Variants in AGAP3 observed in about 807,000 individuals in gnomAD.
AGAP3 encodes the protein arf-GAP with GTPase, ANK repeat and PH domain-containing protein 3.
Under a neutral mutation model 96.9 loss-of-function variants are expected in AGAP3, and 24 were observed. The ratio of observed to expected loss-of-function variants is 0.25; its 90% confidence interval spans 0.18 to 0.35. AGAP3 has a LOEUF of 0.35. AGAP3 is among the 10% of genes least tolerant of loss of function. The pLI, the probability that AGAP3 is intolerant of heterozygous loss-of-function variation, is 1.00. For synonymous variants in AGAP3, 563 were observed against 536.1 expected (o/e 1.05, Z -0.69); for missense variants, 876 against 1,254.2 (o/e 0.70, Z 4.55).
chr7:151,097,517 CAAA>C (rs67915216), intron 1 of AGAP3, among the ~76,000 whole-genome samples: 12 of 95,634 alleles, frequency 1.3e-4, no homozygotes, highest in Admixed American at 2.0e-4. Flanking sequence ...GACTCTGTCT[CAAA>C]AAAAAAAAAA....
intron 1 of AGAP3, among the ~76,000 whole-genome samples, chr7:151,107,482 T>C (rs1436557718): frequency 6.6e-6 from 1 of 151,412 alleles, no homozygotes; most frequent in Non-Finnish European, 1.5e-5. Context: ...TAAACCTAGC[T>C]GGGCGAGGTG....
chr7:151,118,056 G>A lies in AGAP3; in HGVS notation c.707-154G>A. The stretch of plus-strand genomic sequence containing the variant: ...TTTGCACTCAGTGAGGCCATGGAAG[G>A]GTTGAAATGAGACCCAGGCACCCGC... On this transcript the variant is annotated intron_variant, in intron 5 of 17. Coordinates refer to ENST00000397238, the MANE Select transcript of AGAP3 (RefSeq NM_031946.7). The surrounding 1 kb of genome is among the most constrained non-coding windows in gnomAD (Gnocchi z 6.1). 2 of 1,058,816 alleles carry A rather than the reference G, an allele frequency of 1.9e-6. No individual in the cohort carries two copies. The highest frequency in any genetic ancestry group is 2.7e-6 in the Non-Finnish European group (2 of 739,908). 65.6% of individuals were successfully genotyped at this position (1,058,816 alleles called of 1,614,324 possible).
rs1324714657 is a variant in AGAP3 at position 151,118,468 on chromosome 7, C to G, written c.842-37C>G. On this transcript the variant is annotated intron_variant, in intron 6 of 17. Transcript: ENST00000397238. The surrounding 1 kb of genome is among the most constrained non-coding windows in gnomAD (Gnocchi z 6.1). ...GTGCTAAGCCAGGCTTTTCCCTTCT[C>G]TCCAGTGGGTATAATTGACTCTGCT... 1 of 1,610,816 alleles carries G rather than the reference C, an allele frequency of 6.2e-7. No homozygotes were observed. Among genetic ancestry groups the G allele is most frequent in the Admixed American group, 1.7e-5 (1 of 59,964 alleles).
intron 9 of AGAP3, among the ~76,000 whole-genome samples, chr7:151,125,510 G>A (rs1027067967): frequency 6.6e-6 from 1 of 152,242 alleles, no homozygotes; most frequent in Non-Finnish European, 1.5e-5. Context: ...GGTGCCGCCA[G>A]CTGGGGGCAG....
intron 1 of AGAP3, among the ~76,000 whole-genome samples, chr7:151,106,225 G>GCCTT (rs1799050173): frequency 2.0e-5 from 3 of 152,072 alleles, no homozygotes; most frequent in Admixed American, 6.5e-5. Context: ...TCCTCTTCAA[G>GCCTT]CGGAAGAAAG....
At chr7:151,112,944 G>C (rs1380968884) in intron 1 of AGAP3, among the ~76,000 whole-genome samples, 1 of 152,138 alleles carries the variant, frequency 6.6e-6, no homozygotes, top group East Asian at 1.9e-4. Flanking sequence ...ACGTTGGCCA[G>C]GCTGGTCTCG....
intron 1 of AGAP3, among the ~76,000 whole-genome samples, chr7:151,105,508 C>G: frequency 6.6e-6 from 1 of 151,204 alleles, no homozygotes; most frequent in Admixed American, 6.6e-5. Context: ...GTAATCCCAG[C>G]ACTTTGGGAG....
At chr7:151,122,823 G>T (rs1482994774) in intron 8 of AGAP3, 1 of 1,612,984 alleles carries the variant, frequency 6.2e-7, no homozygotes, top group Non-Finnish European at 8.5e-7. Flanking sequence ...CTCTGGACAT[G>T]CCCCCTGTGC....
rs557553067 is a variant in AGAP3 at position 151,143,088 on chromosome 7, C to G, written c.2274-253C>G. On this transcript the variant is annotated intron_variant, in intron 16 of 17. Coordinates refer to ENST00000397238, the MANE Select transcript of AGAP3 (RefSeq NM_031946.7). The surrounding 1 kb of genome is among the most constrained non-coding windows in gnomAD (Gnocchi z 5.9). The stretch of plus-strand genomic sequence containing the variant: ...TGCCCTCTCAGCCCCCGCATCCCCA[C>G]TGTCCCCAGGGGGCCTCCCTTCAGT... 5.1e-4 allele frequency among the ~76,000 whole-genome samples: 78 copies of G among 152,348 alleles called. No homozygotes were observed. The highest frequency in any genetic ancestry group is 1.7e-3 in the African/African-American group (71 of 41,586).
rs192774236 is a variant in AGAP3, at chr7:151,090,715, G to A, written c.331+3643G>A. On this transcript the variant is annotated intron_variant, in intron 1 of 17. Transcript: ENST00000397238. The stretch of plus-strand genomic sequence containing the variant: ...TCCCAACATTTTGGGAGACCAAGGC[G>A]GGCGGATCACGAGGTCAGGAGATCG... Among the ~76,000 whole-genome samples the A allele has an allele frequency of 9.2e-5, 14 of 152,298 alleles. No homozygotes were observed. In the East Asian group the frequency reaches 1.4e-3, roughly 15 times the overall value.
At chr7:151,115,636 C>T in intron 1 of AGAP3, 1 of 1,168,676 alleles carries the variant, frequency 8.6e-7, no homozygotes. Context: ...CTGCGCGCGC[C>T]CAGCGGTAAG....
chr7:151,141,819 G>A lies in AGAP3; in HGVS notation c.1805-79G>A. ...ACACTTGCCAGTGGAGCAGGGTAGT[G>A]AGTGGAGTTGTGGCGATAGCATGCC... On this transcript the variant is annotated intron_variant, in intron 13 of 17. Transcript: ENST00000397238. This position sits in a 1 kb window ranked among gnomAD's most constrained non-coding sequence, Gnocchi z 4.2. 1 of 1,580,926 alleles carries A rather than the reference G, an allele frequency of 6.3e-7. No homozygotes were observed. The highest frequency in any genetic ancestry group is 1.3e-5 in the African/African-American group (1 of 74,270).
chr7:151,132,946 C>A (rs567000781), intron 10 of AGAP3, among the ~76,000 whole-genome samples: 3 of 152,130 alleles, frequency 2.0e-5, no homozygotes, highest in African/African-American at 4.8e-5. Context: ...CTGGAGCTAA[C>A]GGGGTGAGAA....
Position 151,138,254 on chromosome 7 carries a change from C to T in AGAP3, c.1607C>T (p.Ser536Phe), listed in dbSNP as rs1185495663. 6.2e-7 allele frequency: 1 copy of T among 1,612,806 alleles called. No homozygotes were observed. The highest frequency in any genetic ancestry group is 8.5e-7 in the Non-Finnish European group (1 of 1,179,830). Residue 536 changes from serine to phenylalanine, a missense_variant, in exon 12 of 18, where the codon TCC becomes TTC. Ser to Phe is a radical substitution (Grantham distance 155, BLOSUM62 -2). Transcript: ENST00000397238. ...EGLHQRSCSV[S>F]SADQWSEATT... is the part of the protein sequence containing the mutation. Reference sequence around the variant, plus strand: ...CTGCACCAGCGCTCCTGCTCCGTTTCCAGCGCCGACCAGTGGAGTGAGGCC... The same window carrying T: ...CTGCACCAGCGCTCCTGCTCCGTTTTCAGCGCCGACCAGTGGAGTGAGGCC...
At chr7:151,137,350 T>C (rs926261165) in intron 11 of AGAP3, among the ~76,000 whole-genome samples, 12 of 152,274 alleles carry the variant, frequency 7.9e-5, no homozygotes, top group African/African-American at 2.7e-4. Flanking sequence ...GGCCCCCGTG[T>C]TCTTAGACCG....
chr7:151,116,241 T>G (rs1014372647), intron 1 of AGAP3: 70 of 152,616 alleles, frequency 4.6e-4, no homozygotes, highest in African/African-American at 1.5e-3. Flanking sequence ...AGGAGGCGGG[T>G]GGGGTAGATG....
At chr7:151,086,317 G>C (rs1440031379), upstream of AGAP3, among the ~76,000 whole-genome samples, 4 of 147,820 alleles carry the variant, frequency 2.7e-5, no homozygotes, top group Admixed American at 6.7e-5. Flanking sequence ...TGCAGAGCCA[G>C]CGAGCGAGCG....
chr7:151,096,255 G>A lies in AGAP3; in HGVS notation c.331+9183G>A, dbSNP rs533565354. 2.0e-5 allele frequency among the ~76,000 whole-genome samples: 3 copies of A among 152,254 alleles called. No individual in the cohort carries two copies. Among genetic ancestry groups the A allele is most frequent in the South Asian group, 4.1e-4 (2 of 4,824 alleles). On this transcript the variant is annotated intron_variant, in intron 1 of 17. Transcript: ENST00000397238. The surrounding 1 kb of genome is among the most constrained non-coding windows in gnomAD (Gnocchi z 4.4). The stretch of plus-strand genomic sequence containing the variant: ...TGAGATCACAGGAATGACCATTTCC[G>A]GACCCGAGCCTGAGAGCCCAGGTGG...
rs753913711 is a variant in AGAP3 at position 151,142,607 on chromosome 7, A to G, written c.2246A>G (p.Tyr749Cys). The G allele has an allele frequency of 6.2e-7, 1 of 1,612,822 alleles. No individual in the cohort carries two copies. Among genetic ancestry groups the G allele is most frequent in the Non-Finnish European group, 8.5e-7 (1 of 1,179,950 alleles). The change falls in exon 16 of 18, where the codon TAC becomes TGC. Residue 749 changes from tyrosine (Y) to cysteine (C), a missense_variant. Tyr to Cys is a radical substitution (Grantham distance 194). Transcript: ENST00000397238. This position sits in a 1 kb window ranked among gnomAD's most constrained non-coding sequence, Gnocchi z 7.5. ...NSVWEGALGGYSKPGPDACRE... is the reference protein window; with the variant it reads ...NSVWEGALGGCSKPGPDACRE... ...GTCTGGGAGGGGGCCTTGGGTGGCT[A>G]CTCCAAGCCAGGGCCTGATGCCTGC...
Sources: allele counts gnomAD v4.1 joint callset (sites outside exome capture counted in the v4.1 genomes callset), GRCh38; gene constraint gnomAD v4.1.1; non-coding constraint Gnocchi (gnomAD v3.1); transcripts MANE v1.5; gene names NCBI Gene and HGNC (gene_info 2026-07-23, HGNC 2026-07-21).